Variants in PLCD3 observed in about 807,000 individuals in gnomAD.
The protein encoded by PLCD3 is phospholipase C delta 3.
PLCD3 carries 62 observed loss-of-function variants against 82.8 expected under a neutral mutation model. The observed-to-expected ratio is 0.75, with a 90% CI of 0.61 to 0.93. PLCD3 has a LOEUF of 0.93. PLCD3 is among the 40% of genes least tolerant of loss of function. The pLI is 0.00. For missense variants in PLCD3, 1,023 were observed against 1,103.4 expected (o/e 0.93, Z 1.03); for synonymous variants, 478 against 471.8 (o/e 1.01, Z -0.17).
At chr17:45,115,284 T>C (rs1247917430) in intron 9 of PLCD3, 40 bp from the exon 10 acceptor site, 1 of 1,530,390 alleles carries the variant, frequency 6.5e-7, no homozygotes, top group Non-Finnish European at 8.8e-7. Context: ...TGGCCCCCGC[T>C]TCCCACATCC....
At position 45,132,296 on chromosome 17, in the gene PLCD3, A is replaced by G. The variant is rs568740668; in HGVS notation, c.115T>C (p.Ser39Pro). The G allele has an allele frequency of 3.9e-6, 5 of 1,267,804 alleles. No individual in the cohort carries two copies. The African/African-American group carries it at 7.6e-5, about 19-fold the overall frequency. The allele number at this position is 1,267,804 out of a possible 1,614,324, so 78.5% of individuals were successfully genotyped here. A position where few individuals can be genotyped will look rare whatever the true frequency, so the allele number is the denominator to read the frequency against. ...PVALPSPPTP[S>P]DGGTKRPGLR... ...CCGGGCCTCTTGGTGCCGCCATCGG[A>G]GGGAGTCGGCGGGGACGGGAGAGCG... The change falls in exon 1 of 15, where the codon TCC becomes CCC. Residue 39 changes from serine (S) to proline (P), a missense_variant. By Grantham distance (74) the Ser-to-Pro change is moderately conservative. Around this residue, in one of 3 missense-constraint regions of PLCD3, gnomAD observed 448 missense variants for 406.3 expected, o/e 1.10. Transcript: ENST00000619929. The surrounding 1 kb of genome is among the most constrained non-coding windows in gnomAD (Gnocchi z 4.6).
Position 45,115,096 on chromosome 17 carries a change from G to C in PLCD3, c.1709C>G (p.Ala570Gly), listed in dbSNP as rs138594412. 1.3e-6 allele frequency: 2 copies of C among 1,596,500 alleles called. No individual in the cohort carries two copies. The highest frequency in any genetic ancestry group is 4.5e-5 in the East Asian group (2 of 44,018). ...ACACCCAGTGCCCCAGCTCCTACCTGCCTCCCGAATGAGTTTCTTGGCTTT... is the reference window on the plus strand; with the variant it reads ...ACACCCAGTGCCCCAGCTCCTACCTCCCTCCCGAATGAGTTTCTTGGCTTT... ...ERKAKKLIRE[A>G]GNSFVRHNAR... The change falls in exon 10 of 15, where the codon GCA becomes GGA. Residue 570 changes from alanine to glycine, a missense_variant and splice_region_variant. Ala to Gly is a moderately conservative substitution (Grantham distance 60, BLOSUM62 0). Coordinates refer to ENST00000619929, the MANE Select transcript of PLCD3 (RefSeq NM_133373.5).
Position 45,120,959 on chromosome 17 carries a change from C to T in PLCD3, c.497G>A (p.Gly166Asp). The change falls in exon 3 of 15, where the codon GGT (glycine) becomes GAT (aspartate). Residue 166 changes from glycine (G) to aspartate (D), a missense_variant. Gly to Asp is a moderately conservative substitution (Grantham distance 94). Around this residue, in one of 3 missense-constraint regions of PLCD3, gnomAD observed 448 missense variants for 406.3 expected, o/e 1.10. Transcript: ENST00000619929. ...TAEEAQRWVR[G>D]LTKLRARLDA... ...CAGGCGCGCGCGGAGCTTGGTCAGACCGCGCACCCAGCGCTGCGCTTCCTC... is the reference window on the plus strand; with the variant it reads ...CAGGCGCGCGCGGAGCTTGGTCAGATCGCGCACCCAGCGCTGCGCTTCCTC... The T allele has an allele frequency of 6.6e-7, 1 of 1,518,288 alleles. No individual in the cohort carries two copies. Among genetic ancestry groups the T allele is most frequent in the Non-Finnish European group, 8.8e-7 (1 of 1,140,370 alleles). 94.1% of individuals were successfully genotyped at this position (1,518,288 alleles called of 1,614,324 possible). A position where few individuals can be genotyped will look rare whatever the true frequency, so the allele number is the denominator to read the frequency against.
chr17:45,132,246 A>C lies in PLCD3; in HGVS notation c.163+2T>G. The C allele has an allele frequency of 7.9e-7, 1 of 1,272,712 alleles. No homozygotes were observed. The highest frequency in any genetic ancestry group is 9.9e-7 in the Non-Finnish European group (1 of 1,008,860). The allele number at this position is 1,272,712 out of a possible 1,614,324, so 78.8% of individuals were successfully genotyped here. On this transcript the variant is annotated splice_donor_variant, in intron 1 of 14. Coordinates refer to ENST00000619929, the MANE Select transcript of PLCD3 (RefSeq NM_133373.5). LOFTEE classifies it high-confidence loss of function. This position sits in a 1 kb window ranked among gnomAD's most constrained non-coding sequence, Gnocchi z 4.6. ...CCCCACCGCCCCTTGCCCGTCACTG[A>C]CCCATCTTCTTCAGCGCCCGCAGCC...
chr17:45,132,101 G>T lies in PLCD3; in HGVS notation c.163+147C>A. 1 of 911,130 alleles carries T rather than the reference G, an allele frequency of 1.1e-6. No homozygotes were observed. The highest frequency in any genetic ancestry group is 1.4e-6 in the Non-Finnish European group (1 of 696,784). 56.4% of individuals were successfully genotyped at this position (911,130 alleles called of 1,614,324 possible). ...CGGATGACCCCAGGTGCGACCCCCA[G>T]CTGGAGGGAGCTGGCCCTCCGCCCC... is the stretch of plus-strand genomic sequence containing the variant. On this transcript the variant is annotated intron_variant, in intron 1 of 14. Transcript: ENST00000619929. The surrounding 1 kb of genome is among the most constrained non-coding windows in gnomAD (Gnocchi z 4.6).
At chr17:45,113,945 T>A (rs2143548459) in intron 11 of PLCD3, among the ~76,000 whole-genome samples, 1 of 152,082 alleles carries the variant, frequency 6.6e-6, no homozygotes, top group East Asian at 1.9e-4. Context: ...GGGCTCAGCG[T>A]CCCCCAGAGC....
At chr17:45,119,546 G>C (rs1003923207) in intron 4 of PLCD3, among the ~76,000 whole-genome samples, 1 of 152,174 alleles carries the variant, frequency 6.6e-6, no homozygotes, top group Non-Finnish European at 1.5e-5. Context: ...GGCAGGGCTG[G>C]ACTTAAAAGG....
intron 1 of PLCD3, among the ~76,000 whole-genome samples, chr17:45,131,697 C>T (rs2054451081): frequency 6.6e-6 from 1 of 152,256 alleles, no homozygotes; most frequent in African/African-American, 2.4e-5. Context: ...TTCTCCACGA[C>T]TGACTTCCCC....
In PLCD3 at chr17:45,118,796, G is replaced by A. The variant is rs767922414; in HGVS notation, c.913+19C>T. 1.2e-5 allele frequency: 19 copies of A among 1,590,222 alleles called. No homozygotes were observed. The South Asian group carries it at 1.9e-4, about 16-fold the overall frequency. ...CAGCCCTTTCAGGTGCCACGACCTGGCCGTGCCACCCCCCCCACCTGTCTC... is the reference window on the plus strand; with the variant it reads ...CAGCCCTTTCAGGTGCCACGACCTGACCGTGCCACCCCCCCCACCTGTCTC... On this transcript the variant is annotated intron_variant, in intron 5 of 14. Transcript: ENST00000619929. This position sits in a 1 kb window ranked among gnomAD's most constrained non-coding sequence, Gnocchi z 4.1.
intron 4 of PLCD3, 99 bp downstream of exon 4, chr17:45,120,226 G>A (rs2129732): frequency 0.22 from 332,729 of 1,506,000 alleles, 38,027 homozygotes; most frequent in Middle Eastern, 0.33. Context: ...AAAGCTGCAG[G>A]TGGAGAGGGC....
In PLCD3 at chr17:45,110,442, C is replaced by CA. The variant is rs752920579; in HGVS notation, c.*2173dup. The CA allele has an allele frequency of 0.14, 8,201 of 57,160 alleles. 263 individuals are homozygous for CA. Among genetic ancestry groups the CA allele is most frequent in the African/African-American group, 0.21 (1,551 of 7,516 alleles). 3.5% of individuals were successfully genotyped at this position (57,160 alleles called of 1,614,324 possible). ...CTGGGGGACGAGCAAGACTTTGTCT[C>CA]AAAAGAAAAAAAAAAAAGACTCTTG... On this transcript the variant is annotated 3_prime_UTR_variant, in exon 15 of 15. Coordinates refer to ENST00000619929, the MANE Select transcript of PLCD3 (RefSeq NM_133373.5).
intron 1 of PLCD3, among the ~76,000 whole-genome samples, chr17:45,126,251 T>A (rs939515893): frequency 3.3e-5 from 5 of 152,140 alleles, no homozygotes; most frequent in African/African-American, 1.2e-4. Flanking sequence ...TTTCACCGTG[T>A]TAGCCAGGAT....
In PLCD3 at chr17:45,118,981, C is replaced by T. The variant is rs1316174999; in HGVS notation, c.747G>A (p.Arg249=). 2 of 1,612,556 alleles carry T rather than the reference C, an allele frequency of 1.2e-6. No individual in the cohort carries two copies. Among genetic ancestry groups the T allele is most frequent in the East Asian group, 4.5e-5 (2 of 44,868 alleles). ...CCTCCAGCTCCGGCCGCTTCAGCAG[C>T]CGCCGCAGGAACTCCTCGATCTCAG... ...EGAEIEEFLR[R]LLKRPELEEI... The change falls in exon 5 of 15, where the codon CGG becomes CGA. Residue 249 remains arginine, a synonymous_variant. Coordinates refer to ENST00000619929, the MANE Select transcript of PLCD3 (RefSeq NM_133373.5). The surrounding 1 kb of genome is among the most constrained non-coding windows in gnomAD (Gnocchi z 4.1).
At position 45,112,515 on chromosome 17, in the gene PLCD3, G is replaced by T; in HGVS notation, c.*101C>A. On this transcript the variant is annotated 3_prime_UTR_variant, in exon 15 of 15. Coordinates refer to ENST00000619929, the MANE Select transcript of PLCD3 (RefSeq NM_133373.5). The stretch of plus-strand genomic sequence containing the variant: ...GCTGAGTGGGCCAAGTGGGTGGGCT[G>T]GGGGGCTGGTACTCCCACCACCTGA... 1 of 1,290,520 alleles carries T rather than the reference G, an allele frequency of 7.7e-7. No homozygotes were observed. The highest frequency in any genetic ancestry group is 1.1e-6 in the Non-Finnish European group (1 of 918,776). 79.9% of individuals were successfully genotyped at this position (1,290,520 alleles called of 1,614,324 possible).
In PLCD3 at chr17:45,112,559, C is replaced by G. The variant is rs1285676472; in HGVS notation, c.*57G>C. The G allele has an allele frequency of 6.7e-7, 1 of 1,495,508 alleles. No individual in the cohort carries two copies. The highest frequency in any genetic ancestry group is 9.1e-7 in the Non-Finnish European group (1 of 1,096,086). 92.6% of individuals were successfully genotyped at this position (1,495,508 alleles called of 1,614,324 possible). On this transcript the variant is annotated 3_prime_UTR_variant, in exon 15 of 15. Transcript: ENST00000619929. ...CACCTGACTCCAGAGGAGGAGAGGGCTCTGCAGGGGATGTGGACTGGCACT... is the reference window on the plus strand; with the variant it reads ...CACCTGACTCCAGAGGAGGAGAGGGGTCTGCAGGGGATGTGGACTGGCACT...
At chr17:45,129,606 T>C (rs1221728819) in intron 1 of PLCD3, among the ~76,000 whole-genome samples, 2 of 152,206 alleles carry the variant, frequency 1.3e-5, no homozygotes, top group Non-Finnish European at 2.9e-5. Context: ...GTCTGTAATG[T>C]GACATGAGGA....
At position 45,115,326 on chromosome 17, in the gene PLCD3, A is replaced by G; in HGVS notation, c.1560+18T>C. ...CCACCTTCCCCCCCTTCCCCACCCC[A>G]CCCATCCCAGCTCTCACCAGCCGCC... On this transcript the variant is annotated intron_variant, in intron 9 of 14. Coordinates refer to ENST00000619929, the MANE Select transcript of PLCD3 (RefSeq NM_133373.5). 1 of 387,614 alleles carries G rather than the reference A, an allele frequency of 2.6e-6. No homozygotes were observed. Among genetic ancestry groups the G allele is most frequent in the Non-Finnish European group, 4.2e-6 (1 of 240,248 alleles). The allele number at this position is 387,614 out of a possible 1,614,324, so 24.0% of individuals were successfully genotyped here. A position where few individuals can be genotyped will look rare whatever the true frequency, so the allele number is the denominator to read the frequency against.
chr17:45,132,227 C>A lies in PLCD3; in HGVS notation c.163+21G>T, dbSNP rs2054469054. ...TGGGAACGGTCCGCGCCCACCCCAC[C>A]GCCCCTTGCCCGTCACTGACCCATC... On this transcript the variant is annotated intron_variant, in intron 1 of 14. Transcript: ENST00000619929. The surrounding 1 kb of genome is among the most constrained non-coding windows in gnomAD (Gnocchi z 4.6). 1 of 1,260,262 alleles carries A rather than the reference C, an allele frequency of 7.9e-7. No homozygotes were observed. The highest frequency in any genetic ancestry group is 3.0e-5 in the East Asian group (1 of 33,248). 78.1% of individuals were successfully genotyped at this position (1,260,262 alleles called of 1,614,324 possible).
chr17:45,121,963 A>C (rs1265516148), intron 1 of PLCD3, among the ~76,000 whole-genome samples: 1 of 151,598 alleles, frequency 6.6e-6, no homozygotes, highest in African/African-American at 2.4e-5. Context: ...TCTTAACAAA[A>C]AAAAAAAAAA....
Sources: allele counts gnomAD v4.1 joint callset (sites outside exome capture counted in the v4.1 genomes callset), GRCh38; gene constraint gnomAD v4.1.1; regional missense constraint gnomAD v4.1.1; non-coding constraint Gnocchi (gnomAD v3.1); transcripts MANE v1.5; gene names NCBI Gene and HGNC (gene_info 2026-07-23, HGNC 2026-07-21).